The following ASZ1 variants were observed in gnomAD, a reference collection of about 807,000 sequenced individuals.
The protein encoded by ASZ1 is ankyrin repeat, SAM and basic leucine zipper domain containing 1.
A neutral mutation model predicts 61.8 loss-of-function variants in ASZ1; 67 were observed. The ratio of observed to expected loss-of-function variants is 1.08; its 90% confidence interval spans 0.89 to 1.33. ASZ1 has a LOEUF of 1.33. Among genes scored for constraint, ASZ1 ranks in the 40% most tolerant of loss-of-function variants. ASZ1 has a pLI of 0.00. For missense variants in ASZ1, 577 were observed against 554.5 expected (o/e 1.04, Z -0.41); for synonymous variants, 193 against 192.7 (o/e 1.00, Z -0.01).
Position 117,420,785 on chromosome 7 carries a change from A to T in ASZ1, c.329-511T>A, listed in dbSNP as rs1033612045. 2.0e-5 allele frequency among the ~76,000 whole-genome samples: 3 copies of T among 152,164 alleles called. No homozygotes were observed. In the East Asian group the frequency reaches 5.8e-4, roughly 29 times the overall value. ...CTTTCTGAACTCACTGTTTCCTAAAACTCTTCTTCCCTTGGCTCTCATGGT... is the reference window on the plus strand; with the variant it reads ...CTTTCTGAACTCACTGTTTCCTAAATCTCTTCTTCCCTTGGCTCTCATGGT... On this transcript the variant is annotated intron_variant, in intron 3 of 12. Transcript: ENST00000284629.
chr7:117,416,894 CTTG>C (rs1797003928), intron 4 of ASZ1, among the ~76,000 whole-genome samples: 2 of 152,202 alleles, frequency 1.3e-5, no homozygotes, highest in South Asian at 2.1e-4. Context: ...CATCTACTCA[CTTG>C]TAGTGTAGTG....
chr7:117,404,474 T>C (rs78322712), intron 4 of ASZ1, among the ~76,000 whole-genome samples: 2,957 of 151,404 alleles, frequency 0.02, 101 homozygotes, highest in African/African-American at 0.068. Context: ...CTCTTACTTA[T>C]GCAGTTTTTG....
chr7:117,410,693 T>G (rs953697957), intron 4 of ASZ1, among the ~76,000 whole-genome samples: 1 of 151,450 alleles, frequency 6.6e-6, no homozygotes, highest in Non-Finnish European at 1.5e-5. Flanking sequence ...TATCAGCTAT[T>G]AGTACTTCAG....
chr7:117,366,748 G>T (rs879673977), intron 12 of ASZ1, among the ~76,000 whole-genome samples: 2 of 151,900 alleles, frequency 1.3e-5, no homozygotes, highest in African/African-American at 4.8e-5. Flanking sequence ...AGAGAGTCTG[G>T]ACAATTACAG....
intron 10 of ASZ1, among the ~76,000 whole-genome samples, chr7:117,368,991 A>C (rs1461022952): frequency 6.6e-6 from 1 of 152,158 alleles, no homozygotes; most frequent in Non-Finnish European, 1.5e-5. Flanking sequence ...AGACAAAATA[A>C]CCAATATTTG....
intron 3 of ASZ1, among the ~76,000 whole-genome samples, chr7:117,420,950 AAACTGT>A (rs1797088721): frequency 6.6e-6 from 1 of 152,252 alleles, no homozygotes; most frequent in African/African-American, 2.4e-5. Flanking sequence ...TGCCACTAAG[AAACTGT>A]AACTCTTGTG....
At chr7:117,417,743 C>G (rs895419269) in intron 4 of ASZ1, among the ~76,000 whole-genome samples, 1 of 152,186 alleles carries the variant, frequency 6.6e-6, no homozygotes. Flanking sequence ...AAAAAAGAAG[C>G]AGCTGAATAG....
Position 117,405,410 on chromosome 7 carries a change from C to G in ASZ1, c.440+14753G>C, listed in dbSNP as rs532438284. ...GCCTGTGCAGTGACCTCAGCCTCCA[C>G]GGCTCCTCGACACACAGGAGCTGCC... is the stretch of plus-strand genomic sequence containing the variant. On this transcript the variant is annotated intron_variant, in intron 4 of 12. Transcript: ENST00000284629. Among the ~76,000 whole-genome samples the G allele has an allele frequency of 2.6e-5, 4 of 152,318 alleles. No individual in the cohort carries two copies. In the East Asian group the frequency reaches 7.7e-4, roughly 29 times the overall value.
chr7:117,399,339 G>A (rs1200276775), intron 4 of ASZ1, among the ~76,000 whole-genome samples: 1 of 152,146 alleles, frequency 6.6e-6, no homozygotes, highest in African/African-American at 2.4e-5. Context: ...CTCTAGGAAG[G>A]TTTCACTTGT....
At chr7:117,381,965 T>C (rs1387783942) in intron 8 of ASZ1, 104 bp downstream of exon 8, 6 of 718,788 alleles carry the variant, frequency 8.3e-6, no homozygotes, top group East Asian at 2.7e-5. Context: ...GAAAAGTAAA[T>C]TGGCAGTTAT....
Position 117,363,641 on chromosome 7 carries a change from G to A in ASZ1, c.1383C>T (p.Phe461=), listed in dbSNP as rs144678473. ...LKRTAITICG[F]GFLLFICKLT... ...GCTTGCAAATGAAAAGAAGAAAACC[G>A]AATCCGCATATGGTAATAGCTGTCC... Residue 461 remains phenylalanine (F), a synonymous_variant, in exon 13 of 13, where the codon TTC becomes TTT. Transcript: ENST00000284629. 1.7e-4 allele frequency: 271 copies of A among 1,603,342 alleles called. 1 individual carries two copies. In the African/African-American group the frequency reaches 2.1e-3, roughly 13 times the overall value.
At chr7:117,382,882 T>C (rs1271493729) in intron 7 of ASZ1, 104 bp downstream of exon 7, 2 of 1,211,942 alleles carry the variant, frequency 1.7e-6, no homozygotes, top group African/African-American at 3.2e-5. Flanking sequence ...CTTGTAAACA[T>C]TTAAAATATC....
intron 4 of ASZ1, among the ~76,000 whole-genome samples, chr7:117,401,026 C>T (rs1036906672): frequency 6.6e-6 from 1 of 151,982 alleles, no homozygotes; most frequent in Non-Finnish European, 1.5e-5. Context: ...TACCAGGCAT[C>T]GTAAATTGTA....
intron 4 of ASZ1, 42 bp from the exon 5 acceptor site, chr7:117,385,851 C>T: frequency 2.1e-6 from 3 of 1,438,978 alleles, no homozygotes; most frequent in Non-Finnish European, 2.9e-6. Flanking sequence ...TTAATGCTGC[C>T]ATTAATCTCT....
chr7:117,369,894 T>C (rs1290671864), intron 10 of ASZ1, among the ~76,000 whole-genome samples: 1 of 152,174 alleles, frequency 6.6e-6, no homozygotes, highest in African/African-American at 2.4e-5. Flanking sequence ...CTTTATGATT[T>C]TGGGCAAGAA....
At chr7:117,386,843 G>T (rs1325529641) in intron 4 of ASZ1, among the ~76,000 whole-genome samples, 1 of 151,706 alleles carries the variant, frequency 6.6e-6, no homozygotes, top group Non-Finnish European at 1.5e-5. Flanking sequence ...TATATTTCAT[G>T]GTATATTATA....
chr7:117,368,598 CTT>C lies in ASZ1; in HGVS notation c.1161+12_1161+13del. Reference sequence around the variant, plus strand: ...GTTCATACTTTTCTTCACTTAATAACTTTTGTAGAATACCTTTTGAGAATTTA... The same window carrying C: ...GTTCATACTTTTCTTCACTTAATAACTTGTAGAATACCTTTTGAGAATTTA... On this transcript the variant is annotated intron_variant, in intron 11 of 12. Coordinates refer to ENST00000284629, the MANE Select transcript of ASZ1 (RefSeq NM_130768.3). 1 of 1,608,402 alleles carries C rather than the reference CTT, an allele frequency of 6.2e-7. No individual in the cohort carries two copies. Among genetic ancestry groups the C allele is most frequent in the African/African-American group, 1.3e-5 (1 of 74,754 alleles).
chr7:117,382,632 A>G (rs929297991), intron 7 of ASZ1, among the ~76,000 whole-genome samples: 7 of 152,130 alleles, frequency 4.6e-5, no homozygotes, highest in Non-Finnish European at 7.4e-5. Context: ...TTCTGGGGGG[A>G]AAAGTATATG....
intron 4 of ASZ1, among the ~76,000 whole-genome samples, chr7:117,417,426 C>G (rs1444917107): frequency 6.6e-6 from 1 of 152,170 alleles, no homozygotes; most frequent in African/African-American, 2.4e-5. Context: ...GAGTGGTTCC[C>G]AGATGTATTG....
Sources: allele counts gnomAD v4.1 joint callset (sites outside exome capture counted in the v4.1 genomes callset), GRCh38; gene constraint gnomAD v4.1.1; transcripts MANE v1.5; gene names NCBI Gene and HGNC (gene_info 2026-07-23, HGNC 2026-07-21).